RNF216: variants seen among roughly 807,000 people sequenced by gnomAD.
RNF216 encodes the protein ring finger protein 216, also known as E3 ubiquitin-protein ligase RNF216.
In RNF216, 72 loss-of-function variants were observed where a neutral mutation model predicts 110.8. The ratio of observed to expected loss-of-function variants is 0.65; its 90% CI spans 0.54 to 0.79. The LOEUF (loss-of-function observed/expected upper bound fraction) is 0.79, where lower values mean the gene tolerates loss of function less well. RNF216 is among the 30% of genes least tolerant of loss of function. The probability of loss-of-function intolerance (pLI) is 0.00; values close to 1 mark genes in which losing one functional copy is unlikely to be tolerated. For missense variants in RNF216, 1,342 were observed against 1,141.2 expected (o/e 1.18, Z -2.54); for synonymous variants, 495 against 407.5 (o/e 1.21, Z -2.59).
chr7:5,706,123 G>A (rs1025387168), intron 13 of RNF216, among the ~76,000 whole-genome samples: 1 of 151,742 alleles, frequency 6.6e-6, no homozygotes, highest in South Asian at 2.1e-4. Flanking sequence ...AGGAGGCTGA[G>A]GCAGGAGAAT....
chr7:5,737,026 C>T (rs1386698183), intron 5 of RNF216, among the ~76,000 whole-genome samples: 1 of 152,194 alleles, frequency 6.6e-6, no homozygotes, highest in African/African-American at 2.4e-5. Context: ...GGAGGTGTTC[C>T]CAACAGCTTA....
chr7:5,655,584 C>G (rs577486602), intron 13 of RNF216, among the ~76,000 whole-genome samples: 1 of 151,726 alleles, frequency 6.6e-6, no homozygotes, highest in East Asian at 1.9e-4. Flanking sequence ...CCAGCCTGGG[C>G]AACAGAGCAA....
At chr7:5,755,172 G>C (rs1225468416) in intron 2 of RNF216, among the ~76,000 whole-genome samples, 1 of 146,398 alleles carries the variant, frequency 6.8e-6, no homozygotes, top group African/African-American at 2.5e-5. Flanking sequence ...AGGAAGGAAA[G>C]AGAGGAAAGG....
At chr7:5,750,432 T>A (rs1176866354) in intron 3 of RNF216, among the ~76,000 whole-genome samples, 1 of 152,248 alleles carries the variant, frequency 6.6e-6, no homozygotes, top group Non-Finnish European at 1.5e-5. Context: ...TTACTGTGAT[T>A]ATCTTTGGTA....
intron 1 of RNF216, among the ~76,000 whole-genome samples, chr7:5,766,389 G>A (rs1796209680): frequency 6.6e-6 from 1 of 152,176 alleles, no homozygotes; most frequent in African/African-American, 2.4e-5. Context: ...CTATATTGAA[G>A]CTCTGACCTC....
At chr7:5,750,662 C>G (rs1795282296) in intron 3 of RNF216, among the ~76,000 whole-genome samples, 1 of 152,174 alleles carries the variant, frequency 6.6e-6, no homozygotes. Flanking sequence ...ACAGAGTTCA[C>G]TAGGATGGCC....
chr7:5,653,301 A>G (rs1472460097), intron 13 of RNF216, among the ~76,000 whole-genome samples: 1 of 152,106 alleles, frequency 6.6e-6, no homozygotes, highest in Non-Finnish European at 1.5e-5. Context: ...AGTAAGAATA[A>G]TTTAAAGAGC....
chr7:5,678,581 G>C (rs908724981), intron 13 of RNF216, among the ~76,000 whole-genome samples: 16 of 152,206 alleles, frequency 1.1e-4, no homozygotes, highest in African/African-American at 3.4e-4. Flanking sequence ...ACCTCTCCCA[G>C]CTTCAGCTTC....
chr7:5,720,672 T>C (rs540341332), intron 9 of RNF216, among the ~76,000 whole-genome samples: 3 of 152,196 alleles, frequency 2.0e-5, no homozygotes, highest in African/African-American at 7.2e-5. Context: ...GGTCACACTT[T>C]GAGAGCCACT....
At chr7:5,755,193 GAAGGAAGGGAGGGAAGGAAGA>G (rs1255942139) in intron 2 of RNF216, among the ~76,000 whole-genome samples, 1 of 133,888 alleles carries the variant, frequency 7.5e-6, no homozygotes, top group Non-Finnish European at 1.6e-5. Flanking sequence ...AAGAAGGAAG[GAAGGAAGGGAGGGAAGGAAGA>G]AAGGAAGGAA....
At chr7:5,684,741 T>C (rs879358411) in intron 13 of RNF216, among the ~76,000 whole-genome samples, 1 of 152,238 alleles carries the variant, frequency 6.6e-6, no homozygotes, top group African/African-American at 2.4e-5. Flanking sequence ...CAATGTCTTC[T>C]TCAAGGCACC....
Position 5,622,855 on chromosome 7 carries a change from G to C in RNF216, c.*5C>G. 1.3e-6 allele frequency: 2 copies of C among 1,592,900 alleles called. No homozygotes were observed. Among genetic ancestry groups the C allele is most frequent in the Non-Finnish European group, 1.7e-6 (2 of 1,167,110 alleles). The stretch of plus-strand genomic sequence containing the variant: ...TTTGTGCTGCTCAATGGGGATTCGG[G>C]GCCATCAGAAGCGATGCCGCGGCTG... On this transcript the variant is annotated 3_prime_UTR_variant, in exon 17 of 17. Coordinates refer to ENST00000389902, the MANE Select transcript of RNF216 (RefSeq NM_207111.4).
intron 13 of RNF216, among the ~76,000 whole-genome samples, chr7:5,703,219 T>G (rs1792080431): frequency 6.6e-6 from 1 of 152,228 alleles, no homozygotes; most frequent in African/African-American, 2.4e-5. Context: ...TACCCAGCTA[T>G]TTGGTTCTTG....
At chr7:5,723,540 G>A (rs1188133482) in intron 8 of RNF216, among the ~76,000 whole-genome samples, 5 of 152,058 alleles carry the variant, frequency 3.3e-5, no homozygotes, top group Middle Eastern at 3.4e-3. Flanking sequence ...CCAGCTACTC[G>A]GGAGGCTGAG....
intron 13 of RNF216, among the ~76,000 whole-genome samples, chr7:5,670,090 C>CTATT (rs891157887): frequency 3.0e-4 from 46 of 152,084 alleles, no homozygotes; most frequent in African/African-American, 8.2e-4. Context: ...CCATGCCCAG[C>CTATT]TATTTATTTA....
chr7:5,741,257 G>T lies in RNF216; in HGVS notation c.760C>A (p.Arg254=), dbSNP rs372108527. The change falls in exon 4 of 17, where the codon CGG becomes AGG. Residue 254 remains arginine (R), a synonymous_variant. Transcript: ENST00000389902. ...CGGCCCAGTTCTGCTTCAGGCTGCC[G>T]TTCCTGAGGAACGACCTGGTTTGTT... ...EITNQVVPQE[R]QPEAELGRLL... The T allele has an allele frequency of 1.2e-6, 2 of 1,614,012 alleles. No homozygotes were observed. Among genetic ancestry groups the T allele is most frequent in the African/African-American group, 2.7e-5 (2 of 74,898 alleles).
At chr7:5,683,844 C>G (rs938190174) in intron 13 of RNF216, among the ~76,000 whole-genome samples, 23 of 152,102 alleles carry the variant, frequency 1.5e-4, no homozygotes, top group African/African-American at 5.1e-4. Context: ...AATTTACAGC[C>G]TAGTTGCTAT....
At chr7:5,708,556 T>C (rs1377110087) in intron 13 of RNF216, among the ~76,000 whole-genome samples, 1 of 152,246 alleles carries the variant, frequency 6.6e-6, no homozygotes, top group East Asian at 1.9e-4. Context: ...CAGTACTCAA[T>C]AAATTACATG....
At chr7:5,690,303 G>A (rs1294148442) in intron 13 of RNF216, among the ~76,000 whole-genome samples, 2 of 149,074 alleles carry the variant, frequency 1.3e-5, no homozygotes, top group African/African-American at 5.1e-5. Flanking sequence ...CTCTAGCCTG[G>A]GCAACAAGAG....
Sources: allele counts gnomAD v4.1 joint callset (sites outside exome capture counted in the v4.1 genomes callset), GRCh38; gene constraint gnomAD v4.1.1; transcripts MANE v1.5; gene names NCBI Gene and HGNC (gene_info 2026-07-23, HGNC 2026-07-21).